MTA1: variants seen among roughly 807,000 people sequenced by gnomAD.
The protein encoded by MTA1 is metastasis associated 1, also known as metastasis-associated protein MTA1.
MTA1 carries 15 observed loss-of-function variants against 97.0 expected under a neutral mutation model. The observed-to-expected ratio is 0.15, with a 90% CI of 0.10 to 0.24. MTA1 has a LOEUF of 0.24. Among genes scored for constraint, MTA1 ranks in the 10% least tolerant of loss-of-function variants. MTA1 has a pLI of 1.00. For missense variants in MTA1, 709 were observed against 1,015.1 expected (o/e 0.70, Z 4.10); for synonymous variants, 435 against 417.5 (o/e 1.04, Z -0.51).
At chr14:105,449,325 C>T (rs782499098) in intron 3 of MTA1, 34 bp from the exon 4 acceptor site, 2 of 1,605,348 alleles carry the variant, frequency 1.2e-6, no homozygotes, top group South Asian at 1.1e-5. Context: ...CCTGTGCTGA[C>T]CGTGCTGCCG....
At chr14:105,448,712 A>AC (rs1567023416) in intron 3 of MTA1, among the ~76,000 whole-genome samples, 1 of 152,132 alleles carries the variant, frequency 6.6e-6, no homozygotes, top group African/African-American at 2.4e-5. Flanking sequence ...GCCGGCCCAG[A>AC]ACAGGCCCAG....
intron 1 of MTA1, among the ~76,000 whole-genome samples, chr14:105,430,467 G>A (rs970946157): frequency 3.3e-5 from 5 of 152,088 alleles, no homozygotes; most frequent in South Asian, 2.1e-4. Context: ...ACCACAGATC[G>A]CCATCACAGA....
At chr14:105,453,527 C>T (rs1468047610) in intron 6 of MTA1, among the ~76,000 whole-genome samples, 1 of 151,716 alleles carries the variant, frequency 6.6e-6, no homozygotes, top group African/African-American at 2.4e-5. Flanking sequence ...GAAAATAAGT[C>T]TGCTGGGCGC....
intron 1 of MTA1, among the ~76,000 whole-genome samples, chr14:105,428,015 C>A (rs200501562): frequency 3.7e-3 from 411 of 109,768 alleles, no homozygotes; most frequent in Non-Finnish European, 4.5e-3. Context: ...GAGACTCTCT[C>A]AAAAAAAAAA....
At chr14:105,435,442 A>G (rs1410996713) in intron 1 of MTA1, among the ~76,000 whole-genome samples, 2 of 152,074 alleles carry the variant, frequency 1.3e-5, no homozygotes, top group Non-Finnish European at 2.9e-5. Flanking sequence ...ATGCTACCAC[A>G]CCTGCATAAT....
intron 1 of MTA1, among the ~76,000 whole-genome samples, chr14:105,427,281 C>T (rs1372580580): frequency 6.6e-6 from 1 of 152,228 alleles, no homozygotes. Context: ...AGGCACCCTG[C>T]CCTCTGCCAC....
At chr14:105,439,631 G>A (rs1470980119) in intron 2 of MTA1, among the ~76,000 whole-genome samples, 4 of 152,116 alleles carry the variant, frequency 2.6e-5, no homozygotes, top group Non-Finnish European at 5.9e-5. Context: ...TTGAGGGAGG[G>A]CAGGTTGTCC....
chr14:105,457,911 TGA>T (rs2141633151), intron 7 of MTA1, among the ~76,000 whole-genome samples: 1 of 151,458 alleles, frequency 6.6e-6, no homozygotes, highest in East Asian at 1.9e-4. Flanking sequence ...GGCGACAGAG[TGA>T]GACTCCGTCT....
At chr14:105,450,351 C>T (rs1429400140) in intron 6 of MTA1, 27 bp downstream of exon 6, 18 of 1,589,904 alleles carry the variant, frequency 1.1e-5, no homozygotes, top group East Asian at 2.3e-5. Flanking sequence ...CCTGGTCTGC[C>T]GCAGCCAGTC....
chr14:105,420,187 C>T lies in MTA1; in HGVS notation c.28+124C>T, dbSNP rs1204389178. ...GCCCCCCGCCCGCCCTCGCGGCCCC[C>T]GGCTCCTTCCCGAACCGCCCCCCGC... is the stretch of plus-strand genomic sequence containing the variant. On this transcript the variant is annotated intron_variant, in intron 1 of 20. Transcript: ENST00000331320. The surrounding 1 kb of genome is among the most constrained non-coding windows in gnomAD (Gnocchi z 5.3). 6.7e-6 allele frequency: 3 copies of T among 447,222 alleles called. No individual in the cohort carries two copies. The highest frequency in any genetic ancestry group is 1.7e-4 in the South Asian group (2 of 11,594). The allele number at this position is 447,222 out of a possible 1,614,324, so 27.7% of individuals were successfully genotyped here.
In MTA1 at chr14:105,423,584, T is replaced by A. The variant is rs189198181; in HGVS notation, c.28+3521T>A. ...GAGACTCCGTATCAAAAAAAAAAAA[T>A]TTTAATGTAGTTTGAAAGGATGCCA... On this transcript the variant is annotated intron_variant, in intron 1 of 20. Coordinates refer to ENST00000331320, the MANE Select transcript of MTA1 (RefSeq NM_004689.4). 8.2e-3 allele frequency among the ~76,000 whole-genome samples: 1,242 copies of A among 151,750 alleles called. 5 individuals are homozygous for A. The highest frequency in any genetic ancestry group is 0.013 in the Non-Finnish European group (903 of 67,884).
intron 6 of MTA1, 48 bp from the exon 7 acceptor site, chr14:105,454,145 G>C: frequency 6.8e-7 from 1 of 1,468,568 alleles, no homozygotes; most frequent in Non-Finnish European, 9.5e-7. Context: ...GACCCTCCCA[G>C]CAGCCTGACT....
rs2141733717 is a variant in MTA1, at chr14:105,470,448, C to T, written c.*233C>T. 3 of 463,970 alleles carry T rather than the reference C, an allele frequency of 6.5e-6. No homozygotes were observed. Among genetic ancestry groups the T allele is most frequent in the South Asian group, 3.3e-5 (1 of 30,624 alleles). 28.7% of individuals were successfully genotyped at this position (463,970 alleles called of 1,614,324 possible). On this transcript the variant is annotated 3_prime_UTR_variant, in exon 21 of 21. Coordinates refer to ENST00000331320, the MANE Select transcript of MTA1 (RefSeq NM_004689.4). ...CTTTGTGTTTACTTTTTGGCTGGAG[C>T]GGAGATGAGGGGCCACCCCGTGCCC... is the stretch of plus-strand genomic sequence containing the variant.
chr14:105,420,057 G>T lies in MTA1; in HGVS notation c.22G>T (p.Val8Phe). The T allele has an allele frequency of 9.2e-7, 1 of 1,090,398 alleles. No individual in the cohort carries two copies. Among genetic ancestry groups the T allele is most frequent in the Non-Finnish European group, 1.1e-6 (1 of 888,294 alleles). 67.5% of individuals were successfully genotyped at this position (1,090,398 alleles called of 1,614,324 possible). Residue 8 changes from valine (V) to phenylalanine (F), a missense_variant, in exon 1 of 21, where the codon GTC (valine) becomes TTC (phenylalanine). By Grantham distance (50) the Val-to-Phe change is conservative (BLOSUM62 -1). Coordinates refer to ENST00000331320, the MANE Select transcript of MTA1 (RefSeq NM_004689.4). This position sits in a 1 kb window ranked among gnomAD's most constrained non-coding sequence, Gnocchi z 5.3. MAANMYR[V>F]GDYVYFENSS... ...GGACATGGCCGCCAACATGTACAGGGTCGGAGGTAAGGCCGCACCGCCTTT... is the reference window on the plus strand; with the variant it reads ...GGACATGGCCGCCAACATGTACAGGTTCGGAGGTAAGGCCGCACCGCCTTT...
Position 105,435,930 on chromosome 14 carries a change from C to G in MTA1, c.29-2742C>G, listed in dbSNP as rs952960763. Among the ~76,000 whole-genome samples the G allele has an allele frequency of 7.2e-5, 11 of 152,262 alleles. 1 individual carries two copies. In the South Asian group the frequency reaches 1.9e-3, roughly 26 times the overall value. ...TTACTTGTGGCTTCTCTCTTTGTTT[C>G]TTTGTCAGTCTGGCTATAGATTTCA... On this transcript the variant is annotated intron_variant, in intron 1 of 20. Coordinates refer to ENST00000331320, the MANE Select transcript of MTA1 (RefSeq NM_004689.4).
At position 105,463,396 on chromosome 14, in the gene MTA1, C is replaced by G; in HGVS notation, c.1018-97C>G. On this transcript the variant is annotated intron_variant, in intron 11 of 20. Transcript: ENST00000331320. This position sits in a 1 kb window ranked among gnomAD's most constrained non-coding sequence, Gnocchi z 5.9. ...TGAGTCCCTGGCCCGGCTGTCCTCT[C>G]CGTGGTGCTCTCCTCTCCGTAGCCT... The G allele has an allele frequency of 6.6e-7, 1 of 1,510,132 alleles. No individual in the cohort carries two copies. The highest frequency in any genetic ancestry group is 9.2e-7 in the Non-Finnish European group (1 of 1,088,984). The allele number at this position is 1,510,132 out of a possible 1,614,324, so 93.5% of individuals were successfully genotyped here. A position where few individuals can be genotyped will look rare whatever the true frequency, so the allele number is the denominator to read the frequency against.
intron 13 of MTA1, 23 bp from the exon 14 acceptor site, chr14:105,464,393 A>C: frequency 6.2e-7 from 1 of 1,611,002 alleles, no homozygotes; most frequent in Non-Finnish European, 8.5e-7. Flanking sequence ...GAATCCGTCT[A>C]TTTCCAACTT....
At position 105,466,611 on chromosome 14, in the gene MTA1, CTCCCCGCCCGGTGAGTCCGGCCCG is replaced by C. The variant is rs782514513; in HGVS notation, c.1777+45_1778-61del. ...GCCCCCCCGCCCGGTGAGTGTGGCC[CTCCCCGCCCGGTGAGTCCGGCCCG>C]TCCCCGCCCGGGCACCCGCCGTGCG... On this transcript the variant is annotated intron_variant, in intron 17 of 20. Coordinates refer to ENST00000331320, the MANE Select transcript of MTA1 (RefSeq NM_004689.4). 125 of 1,567,576 alleles carry C rather than the reference CTCCCCGCCCGGTGAGTCCGGCCCG, an allele frequency of 8.0e-5. 1 individual carries two copies. In the South Asian group the frequency reaches 9.3e-4, roughly 12 times the overall value.
At chr14:105,465,211 C>T (rs1017665361) in intron 16 of MTA1, 28 bp downstream of exon 16, 2 of 1,483,384 alleles carry the variant, frequency 1.3e-6, no homozygotes, top group Non-Finnish European at 1.8e-6. Context: ...CTGGGGGGCT[C>T]CCAATGCTGC....
Sources: gnomAD v4.1 joint callset for allele counts (sites outside exome capture counted in the v4.1 genomes callset) on GRCh38, gnomAD v4.1.1 for gene constraint, Gnocchi (gnomAD v3.1) non-coding constraint, MANE v1.5 for transcripts, NCBI Gene and HGNC (gene_info 2026-07-23, HGNC 2026-07-21) for gene names.